OR1L8: variants seen among roughly 807,000 people sequenced by gnomAD.
OR1L8 encodes olfactory receptor 1L8.
For synonymous variants in OR1L8, 148 were observed against 147.0 expected (o/e 1.01, Z -0.05); for missense variants, 330 against 377.4 (o/e 0.87, Z 1.04).
At chr9:122,563,597 G>A (rs943119977), downstream of OR1L8, among the ~76,000 whole-genome samples, 6 of 152,180 alleles carry the variant, frequency 3.9e-5, no homozygotes, top group East Asian at 1.9e-4. Context: ...CCTCTGCTGC[G>A]CAGATGCAAT....
downstream of OR1L8, among the ~76,000 whole-genome samples, chr9:122,565,696 T>C (rs1424458583): frequency 6.6e-6 from 1 of 152,240 alleles, no homozygotes; most frequent in Admixed American, 6.5e-5. Context: ...ACCTGACAGG[T>C]AGTTTTTAAC....
At chr9:122,552,356 C>T in the OR1L8 span, among the ~76,000 whole-genome samples, 1 of 152,142 alleles carries the variant, frequency 6.6e-6, no homozygotes, top group Non-Finnish European at 1.5e-5. Context: ...ACCTTCCCTC[C>T]CTCTGGTTAA....
the OR1L8 span, among the ~76,000 whole-genome samples, chr9:122,551,894 C>T: frequency 6.6e-6 from 1 of 152,024 alleles, no homozygotes; most frequent in Admixed American, 6.6e-5. Flanking sequence ...CAATAGACCC[C>T]GACTTTATTG....
the OR1L8 span, chr9:122,553,748 T>C: frequency 6.2e-7 from 1 of 1,613,968 alleles, no homozygotes. Flanking sequence ...CCATCCCTCA[T>C]TTCTATTGTG....
the OR1L8 span, chr9:122,553,120 G>T: frequency 7.5e-7 from 1 of 1,332,628 alleles, no homozygotes; most frequent in South Asian, 1.4e-5. Flanking sequence ...CACAGTTCTG[G>T]CCACACAGAT....
intron 1 of OR1L8, 118 bp from the exon 2 acceptor site, chr9:122,578,563 A>G (rs925172989): frequency 2.6e-5 from 4 of 152,122 alleles, no homozygotes; most frequent in East Asian, 3.8e-4. Flanking sequence ...GTGCCCCTCA[A>G]TCAGTGAGTG....
chr9:122,559,347 G>A, the OR1L8 span, among the ~76,000 whole-genome samples: 1 of 151,986 alleles, frequency 6.6e-6, no homozygotes, highest in East Asian at 1.9e-4. Context: ...TACATGTGCA[G>A]AATGTGCAGG....
chr9:122,575,200 C>T (rs756212594), intron 3 of OR1L8, among the ~76,000 whole-genome samples: 8 of 151,944 alleles, frequency 5.3e-5, no homozygotes, highest in African/African-American at 1.2e-4. Context: ...TTGTTGGCTT[C>T]GTAGAATGAA....
chr9:122,558,070 A>G, the OR1L8 span, among the ~76,000 whole-genome samples: 1 of 151,520 alleles, frequency 6.6e-6, no homozygotes, highest in African/African-American at 2.4e-5. Flanking sequence ...TTCATTTCTG[A>G]TATTAGTAAC....
the OR1L8 span, chr9:122,553,106 C>G: frequency 8.3e-7 from 1 of 1,200,118 alleles, no homozygotes; most frequent in Non-Finnish European, 1.2e-6. Flanking sequence ...TCTTTTTCTC[C>G]CAGCACAGTT....
the OR1L8 span, among the ~76,000 whole-genome samples, chr9:122,550,610 A>C: frequency 6.6e-6 from 1 of 152,164 alleles, no homozygotes; most frequent in African/African-American, 2.4e-5. Context: ...CAAATCAATA[A>C]ATGTGATTCA....
intron 4 of OR1L8, among the ~76,000 whole-genome samples, chr9:122,572,173 T>A (rs1041097600): frequency 6.6e-6 from 1 of 152,158 alleles, no homozygotes; most frequent in Non-Finnish European, 1.5e-5. Context: ...GCTAAACCAT[T>A]CATGAGGGAT....
downstream of OR1L8, among the ~76,000 whole-genome samples, chr9:122,563,130 T>C (rs1270543924): frequency 6.6e-6 from 1 of 152,106 alleles, no homozygotes; most frequent in Non-Finnish European, 1.5e-5. Flanking sequence ...ATTTATATTC[T>C]CACCAACAGT....
the OR1L8 span, among the ~76,000 whole-genome samples, chr9:122,547,441 A>G: frequency 6.6e-6 from 1 of 152,270 alleles, no homozygotes; most frequent in Non-Finnish European, 1.5e-5. Flanking sequence ...TAAATATTGC[A>G]TGGTGGTGAA....
the OR1L8 span, among the ~76,000 whole-genome samples, chr9:122,557,623 G>A: frequency 6.6e-6 from 1 of 151,806 alleles, no homozygotes; most frequent in Non-Finnish European, 1.5e-5. Flanking sequence ...ACTTTATTAA[G>A]GATTTTTACA....
rs1829468960 is a variant in OR1L8 at position 122,568,108 on chromosome 9, A to G, written c.370T>C (p.Tyr124His). The G allele has an allele frequency of 1.2e-6, 2 of 1,614,076 alleles. No homozygotes were observed. Among genetic ancestry groups the G allele is most frequent in the Non-Finnish European group, 1.7e-6 (2 of 1,179,986 alleles). Residue 124 changes from tyrosine (Y) to histidine (H), a missense_variant, in exon 5 of 5, where the codon TAT becomes CAT. By Grantham distance (83) the Tyr-to-His change is moderately conservative. Transcript: ENST00000641027. ...TGGAAAGGGTCACAGACGGCCACATAGCGGTCAAAGGCCATGACTGCCAGA... is the reference window on the plus strand; with the variant it reads ...TGGAAAGGGTCACAGACGGCCACATGGCGGTCAAAGGCCATGACTGCCAGA... ...CLLAVMAFDR[Y>H]VAVCDPFHYV...
intron 3 of OR1L8, among the ~76,000 whole-genome samples, chr9:122,573,816 C>G (rs1265479279): frequency 6.6e-6 from 1 of 152,168 alleles, no homozygotes; most frequent in Non-Finnish European, 1.5e-5. Flanking sequence ...AAAGTCATCT[C>G]TAAACCCAAG....
At chr9:122,579,228 GAAT>G (rs1436629137) in intron 1 of OR1L8, among the ~76,000 whole-genome samples, 15 of 151,760 alleles carry the variant, frequency 9.9e-5, no homozygotes, top group East Asian at 5.8e-4. Context: ...TTTGAATACA[GAAT>G]AATAATCTTA....
intron 2 of OR1L8, among the ~76,000 whole-genome samples, chr9:122,577,810 T>G (rs1374600655): frequency 6.6e-6 from 1 of 152,236 alleles, no homozygotes; most frequent in Non-Finnish European, 1.5e-5. Flanking sequence ...AAAAATGTTC[T>G]CAATTACATT....
Sources: gnomAD v4.1 joint callset for allele counts (sites outside exome capture counted in the v4.1 genomes callset) on GRCh38, gnomAD v4.1.1 for gene constraint, MANE v1.5 for transcripts, NCBI Gene and HGNC (gene_info 2026-07-23, HGNC 2026-07-21) for gene names.